The following SHROOM2 variants were observed in gnomAD, a reference collection of about 807,000 sequenced individuals.
SHROOM2 encodes the protein protein Shroom2.
SHROOM2 carries 33 observed loss-of-function variants against 75.9 expected under a neutral mutation model. That is an observed-to-expected ratio of 0.43 (90% CI 0.33 to 0.58). The LOEUF (loss-of-function observed/expected upper bound fraction) is 0.58. Among genes scored for constraint, SHROOM2 ranks in the 20% least tolerant of loss-of-function variants. The pLI is 0.04. For missense variants in SHROOM2, 1,434 were observed against 1,461.2 expected (o/e 0.98, Z 0.30); for synonymous variants, 655 against 663.6 (o/e 0.99, Z 0.20).
At chrX:9,942,555 A>G (rs1271716566) in intron 8 of SHROOM2, among the ~76,000 whole-genome samples, 1 of 111,996 alleles carries the variant, frequency 8.9e-6, no homozygotes. Context: ...AGTGGCTCAC[A>G]GAACTCAGGG....
At chrX:9,874,189 C>G (rs778686280) in intron 2 of SHROOM2, among the ~76,000 whole-genome samples, 10 of 111,577 alleles carry the variant, frequency 9.0e-5, no homozygotes, top group African/African-American at 2.9e-4. Flanking sequence ...GTGACTGTCA[C>G]GAAGATGCCA....
chrX:9,803,745 C>T (rs2083736822), intron 1 of SHROOM2, among the ~76,000 whole-genome samples: 3 of 111,319 alleles, frequency 2.7e-5, no homozygotes, highest in African/African-American at 9.8e-5. Context: ...TAGGAGGGGC[C>T]GCCATCACAG....
chrX:9,929,958 T>G (rs1000515873), intron 5 of SHROOM2, among the ~76,000 whole-genome samples: 1 of 111,280 alleles, frequency 9.0e-6, no homozygotes, highest in Admixed American at 9.6e-5. Context: ...GCCACTGCCA[T>G]GTAAGAAGTG....
chrX:9,893,269 A>T (rs2084304194), intron 3 of SHROOM2, among the ~76,000 whole-genome samples: 1 of 111,219 alleles, frequency 9.0e-6, no homozygotes, highest in South Asian at 3.8e-4. Context: ...CATCCAGCTA[A>T]TTTTTTAAAA....
At chrX:9,827,223 C>CTTTTTTTTTTTTTTTTT (rs397953893) in intron 1 of SHROOM2, among the ~76,000 whole-genome samples, 2 of 60,153 alleles carry the variant, frequency 3.3e-5, no homozygotes, top group African/African-American at 7.5e-5. Context: ...TTTTCTTTTT[C>CTTTTTTTTTTTTTTTTT]TTTTTTTTTT....
At position 9,946,923 on chromosome X, in the gene SHROOM2, G is replaced by A. The variant is rs748770952; in HGVS notation, c.4837G>A (p.Glu1613Lys). 12 of 1,194,661 alleles carry A rather than the reference G, an allele frequency of 1.0e-5. No individual in the cohort carries two copies. Among genetic ancestry groups the A allele is most frequent in the Admixed American group, 4.6e-5 (2 of 43,842 alleles). Residue 1613 changes from glutamate to lysine, a missense_variant, in exon 10 of 10, where the codon GAA becomes AAA. Glu to Lys is a moderately conservative substitution (Grantham distance 56). Around this residue, in one of 3 missense-constraint regions of SHROOM2, gnomAD observed 80 missense variants for 88.4 expected, o/e 0.90. Coordinates refer to ENST00000380913, the MANE Select transcript of SHROOM2 (RefSeq NM_001649.4). ...GTGCTTATTGGACAGCCTTCAGCCC[G>A]AAAGGGGCAAATAAGAGACCAGTCC... ...LKCLLDSLQP[E>K]RGK
rs1055514379 is a variant in SHROOM2, at chrX:9,858,044, C to T, written c.166-15608C>T. On this transcript the variant is annotated intron_variant, in intron 1 of 9. Coordinates refer to ENST00000380913, the MANE Select transcript of SHROOM2 (RefSeq NM_001649.4). The stretch of plus-strand genomic sequence containing the variant: ...GGGCTTTATGTTTTCCCCGTGTTGC[C>T]TTCTTAGGCTCTGCTGCCTAGGCTG... 1.3e-4 allele frequency among the ~76,000 whole-genome samples: 14 copies of T among 111,899 alleles called. 1 individual carries two copies. The highest frequency in any genetic ancestry group is 7.6e-4 in the Admixed American group (8 of 10,574).
At chrX:9,807,224 A>C (rs1470529383) in intron 1 of SHROOM2, among the ~76,000 whole-genome samples, 1 of 112,322 alleles carries the variant, frequency 8.9e-6, no homozygotes. Flanking sequence ...TGCCTAGCGC[A>C]TAACAGATGC....
At position 9,949,070 on chromosome X, in the gene SHROOM2, C is replaced by T. The variant is rs1354130921; in HGVS notation, c.*2133C>T. The stretch of plus-strand genomic sequence containing the variant: ...CTTCTACACAGCAATACGTCGTGCT[C>T]GAGTATCCTTGTAGCAAAGCACATA... On this transcript the variant is annotated 3_prime_UTR_variant, in exon 10 of 10. Transcript: ENST00000380913. 7.5e-5 allele frequency: 16 copies of T among 212,476 alleles called. No homozygotes were observed. The highest frequency in any genetic ancestry group is 3.5e-4 in the African/African-American group (12 of 34,569). 17.5% of individuals were successfully genotyped at this position (212,476 alleles called of 1,213,427 possible). A position where few individuals can be genotyped will look rare whatever the true frequency, so the allele number is the denominator to read the frequency against.
rs192621787 is a variant in SHROOM2, at chrX:9,831,127, G to A, written c.166-42525G>A. ...TTTTGTCAGAAAAGACTGTTTCAGA[G>A]GGGAAACCGAAATAGCTGGTTAGTG... On this transcript the variant is annotated intron_variant, in intron 1 of 9. Transcript: ENST00000380913. 3.7e-4 allele frequency among the ~76,000 whole-genome samples: 42 copies of A among 112,287 alleles called. No homozygotes were observed. In the Admixed American group the frequency reaches 3.8e-3, roughly 10 times the overall value.
chrX:9,903,022 A>C (rs1471310133), intron 5 of SHROOM2, among the ~76,000 whole-genome samples: 1 of 111,932 alleles, frequency 8.9e-6, no homozygotes, highest in Non-Finnish European at 1.9e-5. Context: ...TTTAGGGAAA[A>C]ATTTGCTTTC....
chrX:9,932,688 A>G lies in SHROOM2; in HGVS notation c.3405A>G (p.Gly1135=). 1 of 1,211,655 alleles carries G rather than the reference A, an allele frequency of 8.3e-7. No individual in the cohort carries two copies. The highest frequency in any genetic ancestry group is 1.1e-6 in the Non-Finnish European group (1 of 895,481). Residue 1135 remains glycine, a synonymous_variant, in exon 6 of 10, where the codon GGA becomes GGG. Coordinates refer to ENST00000380913, the MANE Select transcript of SHROOM2 (RefSeq NM_001649.4). ...DTPKATVCER[G]SQHVSGDASR... Reference sequence around the variant, plus strand: ...CGAAGGCCACTGTCTGTGAGCGTGGAAGCCAGCATGTGAGCGGGGACGCAT... The same window carrying G: ...CGAAGGCCACTGTCTGTGAGCGTGGGAGCCAGCATGTGAGCGGGGACGCAT...
intron 5 of SHROOM2, among the ~76,000 whole-genome samples, chrX:9,908,441 CAATT>C (rs1362511917): frequency 9.0e-6 from 1 of 111,384 alleles, no homozygotes; most frequent in Non-Finnish European, 1.9e-5. Flanking sequence ...TGTTTTGTGT[CAATT>C]AAAAGCAGAT....
At chrX:9,856,700 G>A (rs1451890231) in intron 1 of SHROOM2, among the ~76,000 whole-genome samples, 2 of 111,854 alleles carry the variant, frequency 1.8e-5, no homozygotes, top group Non-Finnish European at 3.8e-5. Context: ...AGGCTGTGCT[G>A]TTCCTGGCCT....
chrX:9,871,910 G>A (rs1441146088), intron 1 of SHROOM2, among the ~76,000 whole-genome samples: 2 of 112,279 alleles, frequency 1.8e-5, no homozygotes, highest in African/African-American at 6.5e-5. Flanking sequence ...CATGCAGCTG[G>A]CTAGCAGTGG....
intron 1 of SHROOM2, among the ~76,000 whole-genome samples, chrX:9,864,462 G>A (rs1342428706): frequency 5.4e-5 from 6 of 111,291 alleles, no homozygotes; most frequent in African/African-American, 9.8e-5. Context: ...TAGTAGGATT[G>A]CTTGAGGCCT....
chrX:9,877,546 A>G (rs755349736), intron 2 of SHROOM2, among the ~76,000 whole-genome samples: 1 of 111,182 alleles, frequency 9.0e-6, no homozygotes, highest in South Asian at 3.8e-4. Flanking sequence ...TATTATGTGT[A>G]TGTGTGTGTC....
At chrX:9,865,326 C>A (rs1380839687) in intron 1 of SHROOM2, 1 of 111,163 alleles carries the variant, frequency 9.0e-6, no homozygotes, top group African/African-American at 3.3e-5. Flanking sequence ...TGAAAGTATT[C>A]CCCTGGCATA....
chrX:9,874,573 T>C (rs1269231623), intron 2 of SHROOM2: 8 of 112,095 alleles, frequency 7.1e-5, no homozygotes, highest in Admixed American at 9.5e-5. Context: ...GATATCTTCC[T>C]TGTTTTGAAA....
Sources: gnomAD v4.1 joint callset for allele counts (sites outside exome capture counted in the v4.1 genomes callset) on GRCh38, gnomAD v4.1.1 for gene constraint, gnomAD v4.1.1 regional missense constraint, MANE v1.5 for transcripts, NCBI Gene and HGNC (gene_info 2026-07-23, HGNC 2026-07-21) for gene names.